CDK13: variants seen among roughly 807,000 people sequenced by gnomAD.
CDK13 encodes the protein cyclin dependent kinase 13.
In CDK13, 40 loss-of-function variants were observed where a neutral mutation model predicts 137.6. The observed-to-expected ratio is 0.29, with a 90% CI of 0.23 to 0.38. CDK13 has a LOEUF of 0.38. Ranked by LOEUF, CDK13 falls within the 10% of genes least tolerant of loss-of-function variation. The pLI is 1.00. For missense variants in CDK13, 1,704 were observed against 1,951.8 expected (o/e 0.87, Z 2.39); for synonymous variants, 869 against 760.1 (o/e 1.14, Z -2.36).
chr7:39,961,146 G>A lies in CDK13; in HGVS notation c.1211+9294G>A, dbSNP rs548793394. On this transcript the variant is annotated intron_variant, in intron 1 of 13. Coordinates refer to ENST00000181839, the MANE Select transcript of CDK13 (RefSeq NM_003718.5). ...GGCCAAGGTGGATGGATTACTTGAG[G>A]TCGGGAGTTCAAGACCAGCCTGGCC... 6.5e-4 allele frequency among the ~76,000 whole-genome samples: 99 copies of A among 152,096 alleles called. 1 individual carries two copies. The highest frequency in any genetic ancestry group is 1.2e-3 in the Non-Finnish European group (85 of 68,004).
chr7:40,091,692 G>A (rs1195672003), intron 12 of CDK13, among the ~76,000 whole-genome samples: 1 of 152,148 alleles, frequency 6.6e-6, no homozygotes. Context: ...TGGTAATAGG[G>A]AAATGAAAAT....
chr7:40,074,332 C>G (rs1276461808), intron 9 of CDK13, among the ~76,000 whole-genome samples: 2 of 152,162 alleles, frequency 1.3e-5, no homozygotes, highest in East Asian at 3.9e-4. Context: ...ACCATCCTGG[C>G]TAACACAGTG....
At chr7:40,070,844 T>C (rs1786405728) in intron 9 of CDK13, 1 of 152,162 alleles carries the variant, frequency 6.6e-6, no homozygotes, top group South Asian at 2.1e-4. Context: ...TTTTTAAACA[T>C]GAGGATCACA....
chr7:40,011,420 G>A (rs979020343), intron 5 of CDK13, among the ~76,000 whole-genome samples: 8 of 152,104 alleles, frequency 5.3e-5, no homozygotes, highest in African/African-American at 9.7e-5. Context: ...AGATTGTGTG[G>A]TACTGGCATT....
At chr7:39,971,948 T>TA (rs1294366588) in intron 1 of CDK13, among the ~76,000 whole-genome samples, 1 of 152,164 alleles carries the variant, frequency 6.6e-6, no homozygotes, top group Non-Finnish European at 1.5e-5. Context: ...ATTCTGTTGA[T>TA]ATTAATAAGG....
chr7:39,960,533 A>C (rs1787585865), intron 1 of CDK13, among the ~76,000 whole-genome samples: 1 of 152,098 alleles, frequency 6.6e-6, no homozygotes, highest in African/African-American at 2.4e-5. Context: ...CTGGGATTAC[A>C]GGCATGAGCC....
rs1787157125 is a variant in CDK13, at chr7:39,951,052, C to G, written c.411C>G (p.Gly137=). The change falls in exon 1 of 14, where the codon GGC becomes GGG. Residue 137 remains glycine, a synonymous_variant. Transcript: ENST00000181839. ...QQDGGGGASS[G]GGVTPLVEYE... is the part of the protein sequence containing the mutation. ...ACGGCGGTGGCGGTGCTAGTAGCGG[C>G]GGGGGTGTGACCCCGCTGGTGGAAT... The G allele has an allele frequency of 7.8e-7, 1 of 1,282,862 alleles. No homozygotes were observed. 79.5% of individuals were successfully genotyped at this position (1,282,862 alleles called of 1,614,324 possible). A position where few individuals can be genotyped will look rare whatever the true frequency, so the allele number is the denominator to read the frequency against.
At chr7:40,079,414 C>T (rs535620991) in intron 11 of CDK13, among the ~76,000 whole-genome samples, 20 of 148,060 alleles carry the variant, frequency 1.4e-4, no homozygotes, top group Non-Finnish European at 2.4e-4. Context: ...AGCAAGACTC[C>T]GTCTCAAAAA....
At chr7:40,001,508 C>T (rs1388609679) in intron 4 of CDK13, among the ~76,000 whole-genome samples, 2 of 152,138 alleles carry the variant, frequency 1.3e-5, no homozygotes, top group African/African-American at 2.4e-5. Context: ...AACTACCACG[C>T]CTGGCCTAGC....
chr7:40,003,556 C>G (rs1002690368), intron 5 of CDK13, among the ~76,000 whole-genome samples: 1 of 152,022 alleles, frequency 6.6e-6, no homozygotes, highest in African/African-American at 2.4e-5. Context: ...GTCTGTTATC[C>G]CTTCATCCAT....
chr7:40,071,135 A>G (rs1786413242), intron 9 of CDK13: 1 of 152,194 alleles, frequency 6.6e-6, no homozygotes, highest in South Asian at 2.1e-4. Flanking sequence ...TGAATCATGT[A>G]TACCTTCATA....
intron 1 of CDK13, among the ~76,000 whole-genome samples, chr7:39,981,968 TTTTC>T (rs1784234372): frequency 6.6e-6 from 1 of 151,478 alleles, no homozygotes; most frequent in Non-Finnish European, 1.5e-5. Flanking sequence ...ATTTTTTTTT[TTTTC>T]ACTATTGTGT....
At chr7:39,956,455 T>A (rs994093023) in intron 1 of CDK13, among the ~76,000 whole-genome samples, 3 of 152,262 alleles carry the variant, frequency 2.0e-5, no homozygotes, top group Non-Finnish European at 4.4e-5. Flanking sequence ...TTAGCTAGAC[T>A]TCATGTTACT....
intron 11 of CDK13, among the ~76,000 whole-genome samples, chr7:40,087,547 T>TG: frequency 6.4e-5 from 2 of 31,416 alleles, no homozygotes; most frequent in Admixed American, 2.8e-4. Flanking sequence ...AATAGTGGTG[T>TG]TTTTTTTTTT....
intron 5 of CDK13, among the ~76,000 whole-genome samples, chr7:40,020,645 G>T (rs948381222): frequency 1.3e-5 from 2 of 152,120 alleles, no homozygotes; most frequent in African/African-American, 4.8e-5. Flanking sequence ...TTAAATGATG[G>T]CAGTTCAATG....
At chr7:40,037,068 A>G (rs181605374) in intron 5 of CDK13, among the ~76,000 whole-genome samples, 1 of 152,036 alleles carries the variant, frequency 6.6e-6, no homozygotes, top group African/African-American at 2.4e-5. Flanking sequence ...TGCATTTTCA[A>G]TTTGGCCAAA....
At chr7:40,042,086 A>G (rs1011454331) in intron 5 of CDK13, among the ~76,000 whole-genome samples, 3 of 151,228 alleles carry the variant, frequency 2.0e-5, no homozygotes, top group Non-Finnish European at 4.4e-5. Flanking sequence ...TTTTGTATTG[A>G]TTCTTTTTTT....
Position 39,951,461 on chromosome 7 carries a change from C to G in CDK13, c.820C>G (p.Arg274Gly), listed in dbSNP as rs1257466418. 3.2e-6 allele frequency: 5 copies of G among 1,538,914 alleles called. No homozygotes were observed. Among genetic ancestry groups the G allele is most frequent in the Admixed American group, 4.1e-5 (2 of 49,130 alleles). The change falls in exon 1 of 14, where the codon CGG (arginine) becomes GGG (glycine). Residue 274 changes from arginine (R) to glycine (G), a missense_variant. Arg to Gly is a moderately radical substitution (Grantham distance 125). Coordinates refer to ENST00000181839, the MANE Select transcript of CDK13 (RefSeq NM_003718.5). ...TSSSSSSRKD[R>G]DSKAHRSRTK... ...CAGCAGCAGTAGCAGCCGCAAGGAC[C>G]GGGACTCGAAGGCCCACCGCAGCCG...
At chr7:40,028,927 CATT>C (rs1785304226) in intron 5 of CDK13, among the ~76,000 whole-genome samples, 1 of 151,640 alleles carries the variant, frequency 6.6e-6, no homozygotes, top group Non-Finnish European at 1.5e-5. Flanking sequence ...TAGTATATAT[CATT>C]GATACTATAT....
Sources: gnomAD v4.1 joint callset for allele counts (sites outside exome capture counted in the v4.1 genomes callset) on GRCh38, gnomAD v4.1.1 for gene constraint, MANE v1.5 for transcripts, NCBI Gene and HGNC (gene_info 2026-07-23, HGNC 2026-07-21) for gene names.